KIRREL1: variants seen among roughly 807,000 people sequenced by gnomAD.
KIRREL1 encodes the protein kin of IRRE-like protein 1.
KIRREL1 carries 25 observed loss-of-function variants against 83.3 expected under a neutral mutation model. The observed-to-expected ratio is 0.30, with a 90% CI of 0.22 to 0.42. KIRREL1 has a LOEUF of 0.42. Ranked by LOEUF, KIRREL1 falls within the 10% of genes least tolerant of loss-of-function variation. The pLI is 1.00. For missense variants in KIRREL1, 812 were observed against 1,032.3 expected (o/e 0.79, Z 2.92); for synonymous variants, 388 against 410.4 (o/e 0.95, Z 0.66).
intron 1 of KIRREL1, among the ~76,000 whole-genome samples, chr1:158,019,197 CAA>C (rs958845776): frequency 8.6e-5 from 13 of 151,430 alleles, no homozygotes; most frequent in African/African-American, 3.2e-4. Flanking sequence ...TGGACAAAGG[CAA>C]GAAAAGGGAG....
At chr1:158,035,254 T>G (rs1397166891) in intron 1 of KIRREL1, among the ~76,000 whole-genome samples, 1 of 152,184 alleles carries the variant, frequency 6.6e-6, no homozygotes, top group Non-Finnish European at 1.5e-5. Context: ...AACAGCCCCC[T>G]TGGGACTAGG....
At chr1:158,031,978 G>A (rs1270125682) in intron 1 of KIRREL1, among the ~76,000 whole-genome samples, 1 of 152,092 alleles carries the variant, frequency 6.6e-6, no homozygotes, top group African/African-American at 2.4e-5. Flanking sequence ...AGCTACTTGA[G>A]AGGCCAAGGT....
Position 158,099,951 on chromosome 1 carries a change from T to A in KIRREL1, c.*4831T>A, listed in dbSNP as rs1662448967. On this transcript the variant is annotated 3_prime_UTR_variant, in exon 15 of 15. Coordinates refer to ENST00000359209, the MANE Select transcript of KIRREL1 (RefSeq NM_018240.7). ...GGCCCAGGGCTCCCTGTGGTCACAT[T>A]TTCTACCCAGCCATTCTTGGCATTG... is the stretch of plus-strand genomic sequence containing the variant. 6.6e-6 allele frequency: 1 copy of A among 152,144 alleles called. No individual in the cohort carries two copies. Among genetic ancestry groups the A allele is most frequent in the Admixed American group, 6.5e-5 (1 of 15,274 alleles). 9.4% of individuals were successfully genotyped at this position (152,144 alleles called of 1,614,324 possible). A position where few individuals can be genotyped will look rare whatever the true frequency, so the allele number is the denominator to read the frequency against.
chr1:158,049,167 T>C (rs547161695), intron 1 of KIRREL1, among the ~76,000 whole-genome samples: 1 of 152,338 alleles, frequency 6.6e-6, no homozygotes, highest in Admixed American at 6.5e-5. Flanking sequence ...TCTGCAAATG[T>C]AAGTTGAGTG....
chr1:158,089,840 G>C (rs780358653), intron 10 of KIRREL1, 22 bp downstream of exon 10: 3 of 1,604,584 alleles, frequency 1.9e-6, no homozygotes, highest in African/African-American at 1.3e-5. Flanking sequence ...ACCTGCCTGC[G>C]GACAGCCAGC....
Position 158,076,195 on chromosome 1 carries a change from C to T in KIRREL1, c.135C>T (p.Leu45=). ...GQRAVLPCVL[L]NYSGIVQWTK... ...GGGCCGTGCTCCCCTGTGTGCTGCT[C>T]AACTACTCTGGAATTGTGCAATGGA... The change falls in exon 2 of 15, where the codon CTC becomes CTT. Residue 45 remains leucine (L), a synonymous_variant. Coordinates refer to ENST00000359209, the MANE Select transcript of KIRREL1 (RefSeq NM_018240.7). 6.2e-7 allele frequency: 1 copy of T among 1,614,194 alleles called. No homozygotes were observed. Among genetic ancestry groups the T allele is most frequent in the Non-Finnish European group, 8.5e-7 (1 of 1,180,024 alleles).
At chr1:158,059,258 A>G (rs1661147788) in intron 1 of KIRREL1, among the ~76,000 whole-genome samples, 1 of 152,008 alleles carries the variant, frequency 6.6e-6, no homozygotes, top group Non-Finnish European at 1.5e-5. Context: ...AACTCATTCT[A>G]TTGTTGTCTA....
intron 3 of KIRREL1, among the ~76,000 whole-genome samples, chr1:158,082,259 T>C (rs1661883756): frequency 6.6e-6 from 1 of 152,150 alleles, no homozygotes; most frequent in Admixed American, 6.5e-5. Flanking sequence ...CTATGTATAG[T>C]ATCTCATCTG....
intron 1 of KIRREL1, among the ~76,000 whole-genome samples, chr1:158,056,346 G>C (rs574169876): frequency 1.8e-4 from 27 of 152,148 alleles, no homozygotes; most frequent in Non-Finnish European, 3.7e-4. Context: ...TGCCTTTCGC[G>C]TCAGGCTGGA....
intron 1 of KIRREL1, among the ~76,000 whole-genome samples, chr1:158,048,572 T>A (rs1211999736): frequency 6.6e-6 from 1 of 152,172 alleles, no homozygotes; most frequent in African/African-American, 2.4e-5. Context: ...ACATCAAAGT[T>A]GGAAGAGACC....
At chr1:158,000,307 AACAGTAGT>A (rs1231706577) in intron 1 of KIRREL1, among the ~76,000 whole-genome samples, 1 of 152,240 alleles carries the variant, frequency 6.6e-6, no homozygotes, top group Non-Finnish European at 1.5e-5. Context: ...ACTAGTGTGC[AACAGTAGT>A]ACATTTTTGT....
At chr1:158,064,414 T>A (rs1661306358) in intron 1 of KIRREL1, among the ~76,000 whole-genome samples, 1 of 152,222 alleles carries the variant, frequency 6.6e-6, no homozygotes, top group African/African-American at 2.4e-5. Flanking sequence ...GAGTCCACCC[T>A]AATTGACCTG....
rs777471683 is a variant in KIRREL1, at chr1:158,088,449, A to T, written c.1039A>T (p.Asn347Tyr). The T allele has an allele frequency of 2.5e-6, 4 of 1,591,992 alleles. No individual in the cohort carries two copies. Among genetic ancestry groups the T allele is most frequent in the South Asian group, 1.1e-5 (1 of 87,020 alleles). ...TCTCACCTGGACCAAAAAGGACTCAAATATGGTAAGACTCTTACTGCCTGT... is the reference window on the plus strand; with the variant it reads ...TCTCACCTGGACCAAAAAGGACTCATATATGGTAAGACTCTTACTGCCTGT... ...LTLTWTKKDS[N>Y]MVLSNSNQLL... Residue 347 changes from asparagine (N) to tyrosine (Y), a missense_variant, in exon 8 of 15, where the codon AAT (asparagine) becomes TAT (tyrosine). Asn to Tyr is a moderately radical substitution (Grantham distance 143). Around this residue, in one of 3 missense-constraint regions of KIRREL1, gnomAD observed 472 missense variants for 626.8 expected, o/e 0.75. Coordinates refer to ENST00000359209, the MANE Select transcript of KIRREL1 (RefSeq NM_018240.7).
At chr1:158,082,191 C>T (rs1467407045) in intron 3 of KIRREL1, among the ~76,000 whole-genome samples, 1 of 152,114 alleles carries the variant, frequency 6.6e-6, no homozygotes, top group Non-Finnish European at 1.5e-5. Flanking sequence ...CTGCTACTCT[C>T]GTCCAGGCAG....
At chr1:157,997,134 C>T (rs1384731651) in intron 1 of KIRREL1, among the ~76,000 whole-genome samples, 1 of 152,182 alleles carries the variant, frequency 6.6e-6, no homozygotes, top group Non-Finnish European at 1.5e-5. Context: ...GATGAGCGCG[C>T]TGCAGTGCTG....
At chr1:158,040,222 T>C (rs1660587662) in intron 1 of KIRREL1, among the ~76,000 whole-genome samples, 1 of 152,252 alleles carries the variant, frequency 6.6e-6, no homozygotes, top group South Asian at 2.1e-4. Flanking sequence ...TGTAAGACCA[T>C]TCCTGGGCTT....
At chr1:158,066,766 T>C (rs555913837) in intron 1 of KIRREL1, among the ~76,000 whole-genome samples, 3 of 152,318 alleles carry the variant, frequency 2.0e-5, no homozygotes, top group East Asian at 3.9e-4. Context: ...GTTTCTGCTC[T>C]CTCGCCTCCT....
intron 1 of KIRREL1, among the ~76,000 whole-genome samples, chr1:157,995,460 C>T (rs1251491161): frequency 7.7e-6 from 1 of 130,246 alleles, no homozygotes; most frequent in Non-Finnish European, 1.6e-5. Context: ...CTGTTGGTGT[C>T]GGGGAGGAAG....
At chr1:158,026,058 C>T (rs1237247299) in intron 1 of KIRREL1, among the ~76,000 whole-genome samples, 2 of 152,040 alleles carry the variant, frequency 1.3e-5, no homozygotes, top group Non-Finnish European at 2.9e-5. Flanking sequence ...AGGGGGCACA[C>T]CTATTTGACT....
Sources: gnomAD v4.1 joint callset for allele counts (sites outside exome capture counted in the v4.1 genomes callset) on GRCh38, gnomAD v4.1.1 for gene constraint, gnomAD v4.1.1 regional missense constraint, MANE v1.5 for transcripts, NCBI Gene and HGNC (gene_info 2026-07-23, HGNC 2026-07-21) for gene names.